The following SYN2 variants were observed in gnomAD, a reference collection of about 807,000 sequenced individuals.
SYN2 encodes synapsin II.
In SYN2, 19 loss-of-function variants were observed where a neutral mutation model predicts 50.9. The observed-to-expected ratio is 0.37, with a 90% CI of 0.26 to 0.55. SYN2 has a LOEUF of 0.55. Among genes scored for constraint, SYN2 ranks in the 20% least tolerant of loss-of-function variants. The probability of loss-of-function intolerance (pLI) is 0.81; values close to 1 mark genes in which losing one functional copy is unlikely to be tolerated. For missense variants in SYN2, 587 were observed against 576.4 expected, an observed-to-expected ratio of 1.02 and a Z score of -0.19; for synonymous variants, 255 against 224.9, an observed-to-expected ratio of 1.13 and a Z score of -1.20.
rs1201412599 is a variant in SYN2, at chr3:12,045,191, AG to A, written c.377+40269del. 3.3e-5 allele frequency among the ~76,000 whole-genome samples: 5 copies of A among 152,246 alleles called. No individual in the cohort carries two copies. The East Asian group carries it at 9.6e-4, about 29-fold the overall frequency. On this transcript the variant is annotated intron_variant, in intron 1 of 12. Coordinates refer to ENST00000621198, the MANE Select transcript of SYN2 (RefSeq NM_133625.6). Reference sequence around the variant, plus strand: ...GGTATACCATAAAAATGATGTTTAAAGGGGGGTTTACTGCATTTAGTATTTT... The same window carrying A: ...GGTATACCATAAAAATGATGTTTAAAGGGGGTTTACTGCATTTAGTATTTT...
At chr3:12,176,436 G>A (rs906632346) in intron 10 of SYN2, among the ~76,000 whole-genome samples, 2 of 152,206 alleles carry the variant, frequency 1.3e-5, no homozygotes, top group African/African-American at 4.8e-5. Context: ...GTGGGAACTG[G>A]TCTCTCTTCA....
chr3:12,159,935 C>T (rs1465793439), intron 5 of SYN2, among the ~76,000 whole-genome samples: 4 of 146,852 alleles, frequency 2.7e-5, no homozygotes, highest in Non-Finnish European at 5.9e-5. Context: ...CCCAGGTACT[C>T]AGGAGGCTGA....
rs538343060 is a variant in SYN2, at chr3:12,070,838, A to G, written c.377+65910A>G. 4 of 592,290 alleles carry G rather than the reference A, an allele frequency of 6.8e-6. No homozygotes were observed. The East Asian group carries it at 1.8e-4, about 26-fold the overall frequency. The allele number at this position is 592,290 out of a possible 1,614,324, so 36.7% of individuals were successfully genotyped here. ...CTCACCGAGCACAGCTACAGCTTCA[A>G]CACCATGGCTGAGTGGGAGATCTTG... On this transcript the variant is annotated intron_variant, in intron 1 of 12. Transcript: ENST00000621198.
intron 1 of SYN2, among the ~76,000 whole-genome samples, chr3:12,060,016 GC>G (rs1308887952): frequency 1.3e-5 from 2 of 152,206 alleles, no homozygotes; most frequent in Non-Finnish European, 2.9e-5. Flanking sequence ...AGATTGCAGA[GC>G]AAAGTGCTGC....
chr3:12,035,523 C>T (rs529677527), intron 1 of SYN2, among the ~76,000 whole-genome samples: 6 of 152,350 alleles, frequency 3.9e-5, no homozygotes, highest in Admixed American at 6.5e-5. Context: ...AATACCTGAA[C>T]TCCCCAATGG....
intron 5 of SYN2, 91 bp from the exon 6 acceptor site, chr3:12,161,455 T>G (rs1697646564): frequency 6.9e-7 from 1 of 1,454,030 alleles, no homozygotes; most frequent in South Asian, 1.2e-5. Context: ...TAAAGAACCC[T>G]CCCAAGGGTA....
chr3:12,124,830 A>AATTCATACAT (rs1696631961), intron 1 of SYN2, among the ~76,000 whole-genome samples: 5 of 152,212 alleles, frequency 3.3e-5, no homozygotes, highest in Non-Finnish European at 5.9e-5. Context: ...CAGAGTAGTT[A>AATTCATACAT]TCCCTGGGGA....
At chr3:12,127,068 T>C (rs1398263643) in intron 1 of SYN2, among the ~76,000 whole-genome samples, 1 of 152,230 alleles carries the variant, frequency 6.6e-6, no homozygotes, top group African/African-American at 2.4e-5. Flanking sequence ...GCTTATAGAA[T>C]ATATTTCATT....
At chr3:12,069,554 CAT>C (rs1259134186) in intron 1 of SYN2, among the ~76,000 whole-genome samples, 8 of 152,076 alleles carry the variant, frequency 5.3e-5, no homozygotes, top group Admixed American at 3.3e-4. Context: ...GCCGTGGACA[CAT>C]GTGTTTTAAA....
chr3:12,130,209 CAGAG>C (rs1007403878), intron 1 of SYN2, among the ~76,000 whole-genome samples: 38 of 148,290 alleles, frequency 2.6e-4, no homozygotes, highest in Admixed American at 7.6e-4. Flanking sequence ...CATATATACA[CAGAG>C]AGATGTGTAT....
Position 12,004,939 on chromosome 3 carries a change from G to A in SYN2, c.377+11G>A, listed in dbSNP as rs1370777038. ...GCCGCACGCCGACTGGTAGGTGCCGGGCGCCGCCGCCCTCGGGGGTCGGGG... is the reference window on the plus strand; with the variant it reads ...GCCGCACGCCGACTGGTAGGTGCCGAGCGCCGCCGCCCTCGGGGGTCGGGG... On this transcript the variant is annotated intron_variant, in intron 1 of 12. Transcript: ENST00000621198. The A allele has an allele frequency of 1.9e-6, 1 of 532,648 alleles. No homozygotes were observed. Among genetic ancestry groups the A allele is most frequent in the Non-Finnish European group, 3.3e-6 (1 of 303,200 alleles). The allele number at this position is 532,648 out of a possible 1,614,324, so 33.0% of individuals were successfully genotyped here. A position where few individuals can be genotyped will look rare whatever the true frequency, so the allele number is the denominator to read the frequency against.
intron 1 of SYN2, among the ~76,000 whole-genome samples, chr3:12,036,268 G>A (rs187365657): frequency 1.3e-3 from 204 of 152,238 alleles, no homozygotes; most frequent in Non-Finnish European, 9.0e-4. Context: ...GGGGAGGGGT[G>A]CGGCACACTA....
rs771498743 is a variant in SYN2 at position 12,145,695 on chromosome 3, T to C, written c.544T>C (p.Phe182Leu). ...TKVVRSFRPDFVLIRQHAFGM... is the reference protein window; with the variant it reads ...TKVVRSFRPDLVLIRQHAFGM... ...TCTCACCAGGTCCTTCCGGCCAGAC[T>C]TCGTGCTCATCCGGCAGCATGCATT... The change falls in exon 4 of 13, where the codon TTC becomes CTC. Residue 182 changes from phenylalanine to leucine, a missense_variant. Physicochemically the swap from Phe to Leu is conservative, Grantham distance 22. Transcript: ENST00000621198. The C allele has an allele frequency of 9.3e-6, 15 of 1,613,894 alleles. No individual in the cohort carries two copies. Among genetic ancestry groups the C allele is most frequent in the Non-Finnish European group, 7.6e-6 (9 of 1,179,876 alleles).
At chr3:12,166,295 C>T (rs1697794902) in intron 7 of SYN2, among the ~76,000 whole-genome samples, 1 of 152,242 alleles carries the variant, frequency 6.6e-6, no homozygotes, top group African/African-American at 2.4e-5. Context: ...TATCTCCTTC[C>T]TCTTGACTGT....
At chr3:12,185,143 ACATATATG>A (rs1698311528) in intron 11 of SYN2, 1 of 985,710 alleles carries the variant, frequency 1.0e-6, no homozygotes, top group African/African-American at 1.7e-5. Context: ...GTAAATATAT[ACATATATG>A]CATATTTGCA....
At chr3:12,071,718 C>T in intron 1 of SYN2, 1 of 213,938 alleles carries the variant, frequency 4.7e-6, no homozygotes, top group South Asian at 7.5e-5. Context: ...CCGATCTGTG[C>T]AGGGTATTAC....
intron 5 of SYN2, among the ~76,000 whole-genome samples, chr3:12,158,415 C>T (rs139955754): frequency 4.3e-4 from 65 of 152,268 alleles, no homozygotes; most frequent in Middle Eastern, 3.4e-3. Flanking sequence ...CAGATAGCTC[C>T]GGTGACACCT....
chr3:12,026,564 A>G (rs17035693), intron 1 of SYN2, among the ~76,000 whole-genome samples: 13,797 of 152,210 alleles, frequency 0.091, 2,062 homozygotes, highest in African/African-American at 0.31. Context: ...AGTTCACTAG[A>G]TGGAGTAGGA....
At chr3:12,011,427 T>A (rs973920365) in intron 1 of SYN2, among the ~76,000 whole-genome samples, 1 of 152,166 alleles carries the variant, frequency 6.6e-6, no homozygotes, top group African/African-American at 2.4e-5. Flanking sequence ...GGCAGTGACC[T>A]GTGGAGAGAA....
Sources: allele counts gnomAD v4.1 joint callset (sites outside exome capture counted in the v4.1 genomes callset), GRCh38; gene constraint gnomAD v4.1.1; transcripts MANE v1.5; gene names NCBI Gene and HGNC (gene_info 2026-07-23, HGNC 2026-07-21).